Variants in SEZ6L observed in about 807,000 individuals in gnomAD.
SEZ6L encodes the protein seizure related 6 homolog like, also known as seizure 6-like protein.
A neutral mutation model predicts 106.2 loss-of-function variants in SEZ6L; 37 were observed. The ratio of observed to expected loss-of-function variants is 0.35; its 90% CI spans 0.27 to 0.46. SEZ6L has a LOEUF of 0.46. Ranked by LOEUF, SEZ6L falls within the 20% of genes least tolerant of loss-of-function variation. The pLI is 1.00. For synonymous variants in SEZ6L, 541 were observed against 570.4 expected, an observed-to-expected ratio of 0.95 and a Z score of 0.73; for missense variants, 1,172 against 1,332.8, an observed-to-expected ratio of 0.88 and a Z score of 1.88.
intron 1 of SEZ6L, among the ~76,000 whole-genome samples, chr22:26,288,197 T>A (rs2080997722): frequency 6.6e-6 from 1 of 152,174 alleles, no homozygotes; most frequent in South Asian, 2.1e-4. Context: ...CCACACTTTG[T>A]TTTCTGCCAA....
chr22:26,377,101 A>C (rs535923956), intron 15 of SEZ6L, among the ~76,000 whole-genome samples: 1 of 152,196 alleles, frequency 6.6e-6, no homozygotes, highest in East Asian at 1.9e-4. Flanking sequence ...GCAATGGGCA[A>C]TATAGTGAGA....
chr22:26,296,356 GGAA>G (rs2081300351), intron 3 of SEZ6L, among the ~76,000 whole-genome samples: 1 of 152,124 alleles, frequency 6.6e-6, no homozygotes, highest in African/African-American at 2.4e-5. Flanking sequence ...TGCAGAAAAT[GGAA>G]GAATATATTC....
chr22:26,327,318 C>G (rs1416972133), intron 9 of SEZ6L, among the ~76,000 whole-genome samples: 1 of 146,438 alleles, frequency 6.8e-6, no homozygotes, highest in South Asian at 2.2e-4. Context: ...ACACTACACA[C>G]ACCACACACA....
At chr22:26,300,288 A>G (rs1032297151) in intron 5 of SEZ6L, among the ~76,000 whole-genome samples, 1 of 152,024 alleles carries the variant, frequency 6.6e-6, no homozygotes, top group African/African-American at 2.4e-5. Flanking sequence ...ATATCTCCTG[A>G]TGCTATCCCT....
At chr22:26,339,339 A>G (rs902903273) in intron 9 of SEZ6L, among the ~76,000 whole-genome samples, 1 of 152,232 alleles carries the variant, frequency 6.6e-6, no homozygotes, top group African/African-American at 2.4e-5. Context: ...AGAAGAAAGG[A>G]AAGAAAGAAA....
intron 1 of SEZ6L, among the ~76,000 whole-genome samples, chr22:26,188,004 G>A (rs1451893130): frequency 6.6e-6 from 1 of 152,172 alleles, no homozygotes; most frequent in Non-Finnish European, 1.5e-5. Flanking sequence ...GGTGAGAGGA[G>A]ATTTTAAAAT....
chr22:26,250,443 T>G (rs1331040845), intron 1 of SEZ6L, among the ~76,000 whole-genome samples: 2 of 152,188 alleles, frequency 1.3e-5, no homozygotes, highest in African/African-American at 4.8e-5. Flanking sequence ...TGAATGTTCT[T>G]GGTGCCTTTA....
At chr22:26,256,174 C>T (rs1226477790) in intron 1 of SEZ6L, among the ~76,000 whole-genome samples, 3 of 152,124 alleles carry the variant, frequency 2.0e-5, no homozygotes, top group South Asian at 2.1e-4. Context: ...TAAGGAAATG[C>T]GTAAGAGACT....
intron 1 of SEZ6L, among the ~76,000 whole-genome samples, chr22:26,226,850 C>T (rs144875436): frequency 1.3e-5 from 2 of 152,172 alleles, no homozygotes; most frequent in Non-Finnish European, 2.9e-5. Flanking sequence ...TTGCCCCATC[C>T]CTTTGTTCCT....
chr22:26,177,945 G>A (rs771466474), intron 1 of SEZ6L, among the ~76,000 whole-genome samples: 13 of 152,176 alleles, frequency 8.5e-5, no homozygotes, highest in Admixed American at 2.6e-4. Context: ...GTGAGTGGCA[G>A]AGCCAGGACT....
chr22:26,235,510 G>A (rs771866729), intron 1 of SEZ6L, among the ~76,000 whole-genome samples: 180 of 152,252 alleles, frequency 1.2e-3, no homozygotes, highest in Non-Finnish European at 1.6e-3. Context: ...AAGAGACAAG[G>A]CTATGATGGG....
At chr22:26,344,877 T>A (rs2145999275) in intron 10 of SEZ6L, among the ~76,000 whole-genome samples, 1 of 152,346 alleles carries the variant, frequency 6.6e-6, no homozygotes, top group African/African-American at 2.4e-5. Flanking sequence ...AGCAGTTAAT[T>A]GGCATGACTG....
At chr22:26,326,253 A>C (rs2082302981) in intron 9 of SEZ6L, among the ~76,000 whole-genome samples, 1 of 152,172 alleles carries the variant, frequency 6.6e-6, no homozygotes, top group Non-Finnish European at 1.5e-5. Flanking sequence ...CACCCCTACA[A>C]GCTCAAGGCA....
rs536864321 is a variant in SEZ6L at position 26,284,570 on chromosome 22, G to A, written c.95-7836G>A. ...GGTTGCAGTGAGCTGAGATTGCACC[G>A]CTGCACTCCAGCCTTGATGACAGAT... is the stretch of plus-strand genomic sequence containing the variant. On this transcript the variant is annotated intron_variant, in intron 1 of 16. Transcript: ENST00000248933. Among the ~76,000 whole-genome samples, 14 of 126,524 alleles carry A rather than the reference G, an allele frequency of 1.1e-4. No homozygotes were observed. In the East Asian group the frequency reaches 1.5e-3, roughly 14 times the overall value. 83.0% of individuals were successfully genotyped at this position (126,524 alleles called of 152,430 possible).
chr22:26,341,140 C>T (rs890040836), intron 10 of SEZ6L, among the ~76,000 whole-genome samples: 2 of 152,172 alleles, frequency 1.3e-5, no homozygotes, highest in African/African-American at 4.8e-5. Flanking sequence ...TTCCTGTAGC[C>T]TCGTTGAACA....
chr22:26,242,800 A>C (rs577399547), intron 1 of SEZ6L: 6 of 152,326 alleles, frequency 3.9e-5, no homozygotes, highest in African/African-American at 1.4e-4. Flanking sequence ...AGTGGTCAAG[A>C]TGGCAGGGAT....
intron 1 of SEZ6L, among the ~76,000 whole-genome samples, chr22:26,191,197 C>T (rs1438831046): frequency 2.0e-5 from 3 of 152,096 alleles, no homozygotes; most frequent in Non-Finnish European, 2.9e-5. Flanking sequence ...AAATCTGCCA[C>T]CCAGAAATAG....
At chr22:26,218,995 G>A (rs1350060607) in intron 1 of SEZ6L, among the ~76,000 whole-genome samples, 1 of 152,138 alleles carries the variant, frequency 6.6e-6, no homozygotes, top group Non-Finnish European at 1.5e-5. Flanking sequence ...AGTAAGCAAA[G>A]CACCTGGTCC....
intron 1 of SEZ6L, among the ~76,000 whole-genome samples, chr22:26,267,612 G>C (rs926788495): frequency 3.9e-5 from 6 of 152,206 alleles, no homozygotes; most frequent in African/African-American, 1.4e-4. Context: ...CACATTTTCT[G>C]TTTGCTGCAG....
Sources: allele counts gnomAD v4.1 joint callset (sites outside exome capture counted in the v4.1 genomes callset), GRCh38; gene constraint gnomAD v4.1.1; transcripts MANE v1.5; gene names NCBI Gene and HGNC (gene_info 2026-07-23, HGNC 2026-07-21).